Variants in LRP11 observed in about 807,000 individuals in gnomAD.
LRP11 encodes the protein LDL receptor related protein 11.
LRP11 carries 25 observed loss-of-function variants against 43.1 expected under a neutral mutation model. That is an observed-to-expected ratio of 0.58 (90% CI 0.42 to 0.81). LRP11 has a LOEUF of 0.81. LRP11 is among the 30% of genes least tolerant of loss of function. The pLI is 0.00. For synonymous variants in LRP11, 316 were observed against 299.4 expected, an observed-to-expected ratio of 1.06 and a Z score of -0.57; for missense variants, 623 against 665.1, an observed-to-expected ratio of 0.94 and a Z score of 0.70.
At chr6:149,846,671 C>T (rs1190904487) in intron 2 of LRP11, among the ~76,000 whole-genome samples, 1 of 152,186 alleles carries the variant, frequency 6.6e-6, no homozygotes, top group Admixed American at 6.5e-5. Flanking sequence ...GGCACAGTGG[C>T]TCACGCCTGT....
At position 149,826,289 on chromosome 6, in the gene LRP11, TC is replaced by T. The variant is rs1562436117; in HGVS notation, c.1322del (p.Gly441GlufsTer36). ...YIFESKGDGG[G>X]GEHPAPETGA... is the part of the protein sequence containing the mutation. ...CTGTTTCTGGGGCTGGGTGTTCCCC[TC>T]CTCCTCCATCACCCTTTGACTCAAA... On this transcript the variant is annotated frameshift_variant, in exon 6 of 7. Coordinates refer to ENST00000239367, the MANE Select transcript of LRP11 (RefSeq NM_032832.6). 1 of 1,613,304 alleles carries T rather than the reference TC, an allele frequency of 6.2e-7. No individual in the cohort carries two copies. Among genetic ancestry groups the T allele is most frequent in the Non-Finnish European group, 8.5e-7 (1 of 1,179,246 alleles).
chr6:149,861,675 G>C lies in LRP11; in HGVS notation c.613+1733C>G, dbSNP rs559228650. On this transcript the variant is annotated intron_variant, in intron 1 of 6. Coordinates refer to ENST00000239367, the MANE Select transcript of LRP11 (RefSeq NM_032832.6). ...ATCATAGACAGGCGCCACCATGCCA[G>C]GATAATTTTTGTGTTTATTTCTTTT... 1.8e-4 allele frequency among the ~76,000 whole-genome samples: 27 copies of C among 152,196 alleles called. No individual in the cohort carries two copies. In the South Asian group the frequency reaches 5.4e-3, roughly 30 times the overall value.
chr6:149,855,047 CA>C (rs1267642666), intron 1 of LRP11, among the ~76,000 whole-genome samples: 1 of 152,194 alleles, frequency 6.6e-6, no homozygotes, highest in African/African-American at 2.4e-5. Context: ...CCTAACCCTC[CA>C]GGATTCTCTT....
At chr6:149,843,985 T>G (rs1776590622) in intron 2 of LRP11, among the ~76,000 whole-genome samples, 1 of 152,210 alleles carries the variant, frequency 6.6e-6, no homozygotes, top group African/African-American at 2.4e-5. Flanking sequence ...TTGGGCACGG[T>G]GGCTCATGCC....
At chr6:149,852,266 G>A (rs1776731158) in intron 2 of LRP11, among the ~76,000 whole-genome samples, 2 of 152,160 alleles carry the variant, frequency 1.3e-5, no homozygotes, top group Admixed American at 6.5e-5. Context: ...ACAAATCAGT[G>A]CCTCCTTACC....
intron 2 of LRP11, 59 bp from the exon 3 acceptor site, chr6:149,843,183 C>T (rs1776577719): frequency 1.2e-6 from 2 of 1,601,012 alleles, no homozygotes; most frequent in Non-Finnish European, 1.7e-6. Context: ...GAGCCCAACA[C>T]CATCCTCAAC....
intron 2 of LRP11, among the ~76,000 whole-genome samples, chr6:149,846,746 T>G (rs1776638216): frequency 6.6e-6 from 1 of 152,080 alleles, no homozygotes; most frequent in Admixed American, 6.6e-5. Context: ...GAGACCAGCC[T>G]GGCCAACAAT....
Position 149,863,545 on chromosome 6 carries a change from C to A in LRP11, c.476G>T (p.Gly159Val). Residue 159 changes from glycine to valine, a missense_variant, in exon 1 of 7, where the codon GGC becomes GTC. By Grantham distance (109) the Gly-to-Val change is moderately radical (BLOSUM62 -3). Coordinates refer to ENST00000239367, the MANE Select transcript of LRP11 (RefSeq NM_032832.6). ...RRPAPPAAVL[G>V]CYLFNCTARG... Reference sequence around the variant, plus strand: ...CGCCGTGCAGTTGAAGAGGTAGCAGCCGAGCACGGCTGCCGGGGGCGCGGG... The same window carrying A: ...CGCCGTGCAGTTGAAGAGGTAGCAGACGAGCACGGCTGCCGGGGGCGCGGG... 8 of 1,367,078 alleles carry A rather than the reference C, an allele frequency of 5.9e-6. No homozygotes were observed. The highest frequency in any genetic ancestry group is 7.5e-6 in the Non-Finnish European group (8 of 1,068,984). The allele number at this position is 1,367,078 out of a possible 1,614,324, so 84.7% of individuals were successfully genotyped here.
intron 2 of LRP11, among the ~76,000 whole-genome samples, chr6:149,851,425 C>G (rs1353289882): frequency 6.6e-6 from 1 of 152,166 alleles, no homozygotes; most frequent in Non-Finnish European, 1.5e-5. Flanking sequence ...CCTGAAAAAT[C>G]AATTCATATG....
At chr6:149,854,453 T>C (rs866887574) in intron 1 of LRP11, among the ~76,000 whole-genome samples, 1 of 152,206 alleles carries the variant, frequency 6.6e-6, no homozygotes, top group Middle Eastern at 3.2e-3. Flanking sequence ...ATAAGGTTAA[T>C]TATGTTTATT....
chr6:149,860,719 A>T (rs1776879241), intron 1 of LRP11, among the ~76,000 whole-genome samples: 1 of 152,086 alleles, frequency 6.6e-6, no homozygotes, highest in Admixed American at 6.6e-5. Flanking sequence ...TCTCTCCAGC[A>T]TCTCTCACTC....
chr6:149,845,673 G>A (rs1776621137), intron 2 of LRP11, among the ~76,000 whole-genome samples: 1 of 152,120 alleles, frequency 6.6e-6, no homozygotes, highest in Non-Finnish European at 1.5e-5. Context: ...CTAGGAATCA[G>A]AACCCACTGA....
rs1395009497 is a variant in LRP11, at chr6:149,863,767, G to C, written c.254C>G (p.Pro85Arg). 1.1e-5 allele frequency: 17 copies of C among 1,478,406 alleles called. No individual in the cohort carries two copies. The highest frequency in any genetic ancestry group is 1.5e-5 in the Non-Finnish European group (17 of 1,121,266). The allele number at this position is 1,478,406 out of a possible 1,614,324, so 91.6% of individuals were successfully genotyped here. ...GCCCGGGCCCGGGCAGTCCTCCTGG[G>C]GGCCGCCGCCCGCGCGCAGCTCCAG... ...LELELRAGGG[P>R]QEDCPGPGSG... The change falls in exon 1 of 7, where the codon CCC (proline) becomes CGC (arginine). Residue 85 changes from proline to arginine, a missense_variant. Transcript: ENST00000239367.
At chr6:149,833,548 T>G (rs1776435458) in intron 5 of LRP11, among the ~76,000 whole-genome samples, 1 of 152,244 alleles carries the variant, frequency 6.6e-6, no homozygotes, top group Non-Finnish European at 1.5e-5. Context: ...AATAAATATG[T>G]ATATGTGTAT....
intron 2 of LRP11, among the ~76,000 whole-genome samples, chr6:149,846,736 G>C (rs934219078): frequency 2.0e-5 from 3 of 152,042 alleles, no homozygotes; most frequent in African/African-American, 7.3e-5. Flanking sequence ...CCAGGAGTTT[G>C]AGACCAGCCT....
intron 1 of LRP11, among the ~76,000 whole-genome samples, chr6:149,856,510 A>T (rs916949913): frequency 1.3e-5 from 2 of 152,326 alleles, no homozygotes; most frequent in Non-Finnish European, 2.9e-5. Flanking sequence ...AAATAACAAC[A>T]CGAAGAGGAA....
chr6:149,838,263 C>T (rs567252944), intron 3 of LRP11, among the ~76,000 whole-genome samples: 10 of 152,080 alleles, frequency 6.6e-5, no homozygotes, highest in South Asian at 2.1e-4. Flanking sequence ...TTCTTGTCTC[C>T]TAAGTAATAC....
intron 1 of LRP11, among the ~76,000 whole-genome samples, chr6:149,861,227 C>A (rs1375442212): frequency 6.6e-6 from 1 of 152,164 alleles, no homozygotes; most frequent in Admixed American, 6.5e-5. Flanking sequence ...AGCATCTGAG[C>A]AGGGGACACA....
At chr6:149,820,928 CTTTTT>C (rs11399122) in intron 6 of LRP11, among the ~76,000 whole-genome samples, 2 of 116,482 alleles carry the variant, frequency 1.7e-5, no homozygotes, top group South Asian at 2.6e-4. Context: ...CAAACCTAGA[CTTTTT>C]TTTTTTTTTT....
Sources: allele counts gnomAD v4.1 joint callset (sites outside exome capture counted in the v4.1 genomes callset), GRCh38; gene constraint gnomAD v4.1.1; transcripts MANE v1.5; gene names NCBI Gene and HGNC (gene_info 2026-07-23, HGNC 2026-07-21).